The following ZBTB7C variants were observed in gnomAD, a reference collection of about 807,000 sequenced individuals.
ZBTB7C encodes zinc finger and BTB domain-containing protein 7C.
Under a neutral mutation model 25.7 loss-of-function variants are expected in ZBTB7C, and 8 were observed. The ratio of observed to expected loss-of-function variants is 0.31; its 90% confidence interval spans 0.18 to 0.56. ZBTB7C has a LOEUF of 0.56. ZBTB7C is among the 20% of genes least tolerant of loss of function. ZBTB7C has a pLI of 0.91. For missense variants in ZBTB7C, 824 were observed against 855.2 expected, an observed-to-expected ratio of 0.96 and a Z score of 0.46; for synonymous variants, 394 against 369.0, an observed-to-expected ratio of 1.07 and a Z score of -0.78.
chr18:48,048,401 C>T (rs577569112), intron 3 of ZBTB7C, among the ~76,000 whole-genome samples: 1 of 152,190 alleles, frequency 6.6e-6, no homozygotes, highest in South Asian at 2.1e-4. Flanking sequence ...AACAAATTGT[C>T]CTCAGCTGGT....
intron 2 of ZBTB7C, among the ~76,000 whole-genome samples, chr18:48,259,754 T>A (rs2044117415): frequency 6.6e-6 from 1 of 152,074 alleles, no homozygotes. Flanking sequence ...AGTAAGCCCA[T>A]GAAAAATGTT....
chr18:48,267,807 G>A (rs1430704830), intron 2 of ZBTB7C, among the ~76,000 whole-genome samples: 1 of 152,178 alleles, frequency 6.6e-6, no homozygotes, highest in Non-Finnish European at 1.5e-5. Flanking sequence ...TAAACAGCTG[G>A]TTGTAAGCCA....
intron 2 of ZBTB7C, among the ~76,000 whole-genome samples, chr18:48,312,679 A>T (rs1279549390): frequency 6.6e-6 from 1 of 152,220 alleles, no homozygotes; most frequent in Non-Finnish European, 1.5e-5. Context: ...AGCTTAGCAG[A>T]GTCCCTGGCA....
intron 2 of ZBTB7C, among the ~76,000 whole-genome samples, chr18:48,302,181 C>T (rs1254236322): frequency 6.6e-6 from 1 of 152,228 alleles, no homozygotes; most frequent in African/African-American, 2.4e-5. Context: ...AAGCCCCAGT[C>T]CCTTCTCCTA....
intron 2 of ZBTB7C, among the ~76,000 whole-genome samples, chr18:48,211,686 C>T (rs1394929547): frequency 1.3e-5 from 2 of 152,164 alleles, no homozygotes; most frequent in African/African-American, 4.8e-5. Flanking sequence ...TCACTGACAA[C>T]ACCAAATGCT....
chr18:48,410,713 A>G (rs1244661415), upstream of ZBTB7C: 1 of 152,290 alleles, frequency 6.6e-6, no homozygotes, highest in Admixed American at 6.5e-5. Flanking sequence ...CTCCAGACAG[A>G]CATAGGAACC....
At chr18:48,376,427 A>C (rs980315954) in intron 1 of ZBTB7C, among the ~76,000 whole-genome samples, 2 of 152,188 alleles carry the variant, frequency 1.3e-5, no homozygotes, top group African/African-American at 4.8e-5. Context: ...ACTCAGCTGC[A>C]GTTGGTTAAT....
chr18:48,288,487 A>G (rs2045123561), intron 2 of ZBTB7C, among the ~76,000 whole-genome samples: 1 of 148,538 alleles, frequency 6.7e-6, no homozygotes, highest in Admixed American at 6.7e-5. Flanking sequence ...ATCTCTACTA[A>G]AAGTACAAAA....
rs115555171 is a variant in ZBTB7C, at chr18:48,040,121, G to C, written c.987C>G (p.Asn329Lys). Residue 329 changes from asparagine (N) to lysine (K), a missense_variant, in exon 4 of 5, where the codon AAC becomes AAG. By Grantham distance (94) the Asn-to-Lys change is moderately conservative (BLOSUM62 0). This residue lies in a region of ZBTB7C where 316 missense variants were observed against 299.2 expected (regional missense o/e 1.06). Transcript: ENST00000590800. ...GGPLGPIKAE[N>K]DYGAYLNFLS... ...GGAAGTTGAGATAGGCACCGTAGTCGTTCTCCGCCTTGATGGGTCCCAGAG... is the reference window on the plus strand; with the variant it reads ...GGAAGTTGAGATAGGCACCGTAGTCCTTCTCCGCCTTGATGGGTCCCAGAG... 5 of 1,597,570 alleles carry C rather than the reference G, an allele frequency of 3.1e-6. No homozygotes were observed. The highest frequency in any genetic ancestry group is 4.3e-6 in the Non-Finnish European group (5 of 1,171,788).
intron 3 of ZBTB7C, among the ~76,000 whole-genome samples, chr18:48,054,762 T>G (rs2036846734): frequency 6.6e-6 from 1 of 152,186 alleles, no homozygotes; most frequent in Non-Finnish European, 1.5e-5. Context: ...TATAGAACTT[T>G]TATTGCACTG....
At chr18:48,409,387 G>A (rs1248174447), upstream of ZBTB7C, 1 of 147,332 alleles carries the variant, frequency 6.8e-6, no homozygotes, top group Non-Finnish European at 1.5e-5. Flanking sequence ...CGGGTATGGA[G>A]CTGAGCGGCG....
intron 1 of ZBTB7C, among the ~76,000 whole-genome samples, chr18:48,348,696 A>G (rs142901956): frequency 0.099 from 15,125 of 152,310 alleles, 873 homozygotes; most frequent in Non-Finnish European, 0.13. Flanking sequence ...ACATGCCTAT[A>G]ATCCCCGCTA....
intron 3 of ZBTB7C, among the ~76,000 whole-genome samples, chr18:48,105,320 C>T (rs1238330473): frequency 6.6e-6 from 1 of 152,220 alleles, no homozygotes; most frequent in Non-Finnish European, 1.5e-5. Context: ...TATACTTTGA[C>T]TGAATTGAAT....
intron 1 of ZBTB7C, among the ~76,000 whole-genome samples, chr18:48,399,587 G>A (rs62086552): frequency 0.22 from 34,179 of 152,118 alleles, 4,233 homozygotes; most frequent in Non-Finnish European, 0.28. Context: ...GCCTTCTGGA[G>A]GGACCTGAGA....
chr18:48,278,365 C>T (rs559216049), intron 2 of ZBTB7C, among the ~76,000 whole-genome samples: 20 of 152,248 alleles, frequency 1.3e-4, no homozygotes, highest in South Asian at 4.2e-4. Flanking sequence ...CATCTTGGAT[C>T]GTCTATCCCC....
intron 3 of ZBTB7C, among the ~76,000 whole-genome samples, chr18:48,118,001 C>CTTTTTTT (rs11358230): frequency 3.1e-5 from 4 of 128,514 alleles, no homozygotes; most frequent in East Asian, 2.1e-4. Flanking sequence ...TCTTCTTCTT[C>CTTTTTTT]TTTTTTTTTT....
chr18:48,101,963 A>G (rs936952265), intron 3 of ZBTB7C, among the ~76,000 whole-genome samples: 3 of 152,244 alleles, frequency 2.0e-5, no homozygotes, highest in African/African-American at 7.2e-5. Context: ...TTCTTAAATA[A>G]GTAGACATGC....
intron 2 of ZBTB7C, among the ~76,000 whole-genome samples, chr18:48,323,012 A>G (rs1362239277): frequency 1.3e-5 from 2 of 152,230 alleles, no homozygotes; most frequent in East Asian, 1.9e-4. Flanking sequence ...ATGCAAAGGC[A>G]TAAGAATAAT....
At chr18:48,310,170 C>A (rs1346391269) in intron 2 of ZBTB7C, among the ~76,000 whole-genome samples, 1 of 151,392 alleles carries the variant, frequency 6.6e-6, no homozygotes, top group Non-Finnish European at 1.5e-5. Flanking sequence ...GCGGAACTTG[C>A]AGTGAGCCGA....
Sources: allele counts gnomAD v4.1 joint callset (sites outside exome capture counted in the v4.1 genomes callset), GRCh38; gene constraint gnomAD v4.1.1; regional missense constraint gnomAD v4.1.1; transcripts MANE v1.5; gene names NCBI Gene and HGNC (gene_info 2026-07-23, HGNC 2026-07-21).